Variants in PEMT observed in about 807,000 individuals in gnomAD.
PEMT encodes phosphatidylethanolamine N-methyltransferase.
In PEMT, 23 loss-of-function variants were observed where a neutral mutation model predicts 27.4. The ratio of observed to expected loss-of-function variants is 0.84; its 90% CI spans 0.60 to 1.19. The LOEUF is 1.19. PEMT is among the 50% of genes most tolerant of loss of function. The probability of loss-of-function intolerance (pLI) is 0.00; values close to 1 mark genes in which losing one functional copy is unlikely to be tolerated. For missense variants in PEMT, 307 were observed against 310.1 expected, an observed-to-expected ratio of 0.99 and a Z score of 0.07; for synonymous variants, 137 against 139.1, an observed-to-expected ratio of 0.98 and a Z score of 0.11.
intron 2 of PEMT, among the ~76,000 whole-genome samples, chr17:17,546,975 G>GT (rs1350371935): frequency 6.6e-6 from 1 of 152,246 alleles, no homozygotes; most frequent in African/African-American, 2.4e-5. Context: ...GCTGCCCATC[G>GT]TCAGAAGAGC....
At chr17:17,510,371 C>T (rs370141659) in intron 4 of PEMT, among the ~76,000 whole-genome samples, 14 of 152,310 alleles carry the variant, frequency 9.2e-5, no homozygotes, top group African/African-American at 3.4e-4. Flanking sequence ...CTTCGTTCCT[C>T]CCAGCCTTCT....
intron 1 of PEMT, among the ~76,000 whole-genome samples, chr17:17,585,848 T>C (rs1912213559): frequency 1.3e-5 from 2 of 151,980 alleles, no homozygotes; most frequent in Non-Finnish European, 2.9e-5. Context: ...TTTGAGAGGC[T>C]GAGGCGGGCG....
intron 2 of PEMT, among the ~76,000 whole-genome samples, chr17:17,533,188 T>C (rs1488498702): frequency 6.6e-6 from 1 of 152,220 alleles, no homozygotes; most frequent in Non-Finnish European, 1.5e-5. Flanking sequence ...TCCACATACA[T>C]GGCAAGTGAT....
intron 2 of PEMT, among the ~76,000 whole-genome samples, chr17:17,532,542 T>C (rs546652771): frequency 2.3e-4 from 35 of 152,262 alleles, no homozygotes; most frequent in South Asian, 1.7e-3. Flanking sequence ...TGGACAGACA[T>C]CCCATGTTCA....
At chr17:17,542,866 C>A (rs1271845598) in intron 2 of PEMT, among the ~76,000 whole-genome samples, 1 of 152,226 alleles carries the variant, frequency 6.6e-6, no homozygotes, top group Non-Finnish European at 1.5e-5. Context: ...GGGCCCAAGG[C>A]TGCAGGGAGT....
At chr17:17,531,208 G>A (rs2142566269) in intron 2 of PEMT, among the ~76,000 whole-genome samples, 1 of 152,256 alleles carries the variant, frequency 6.6e-6, no homozygotes, top group East Asian at 1.9e-4. Context: ...TGTTGAACCT[G>A]AGACTGAAAG....
Position 17,582,510 on chromosome 17 carries a change from G to A in PEMT, c.97-5483C>T. 2 of 761,446 alleles carry A rather than the reference G, an allele frequency of 2.6e-6. No homozygotes were observed. Among genetic ancestry groups the A allele is most frequent in the Non-Finnish European group, 3.2e-6 (2 of 625,558 alleles). The allele number at this position is 761,446 out of a possible 1,614,324, so 47.2% of individuals were successfully genotyped here. On this transcript the variant is annotated intron_variant, in intron 1 of 6. Transcript: ENST00000255389. This position sits in a 1 kb window ranked among gnomAD's most constrained non-coding sequence, Gnocchi z 4.9. ...AGGCCTGGACAGGCAAAGTCACATC[G>A]ATTCCAGGCCACACACCACACACAA... is the stretch of plus-strand genomic sequence containing the variant.
At chr17:17,518,717 G>T (rs570047438) in intron 3 of PEMT, among the ~76,000 whole-genome samples, 7 of 152,274 alleles carry the variant, frequency 4.6e-5, no homozygotes, top group African/African-American at 1.7e-4. Flanking sequence ...ACTCCTGCTG[G>T]GTGCAGAGGC....
chr17:17,509,370 G>A (rs1418276319), intron 5 of PEMT, 64 bp downstream of exon 5: 3 of 1,105,204 alleles, frequency 2.7e-6, no homozygotes, highest in African/African-American at 3.1e-5. Context: ...CGCGTCCTGA[G>A]CTGCACCAGC....
rs772433376 is a variant in PEMT, at chr17:17,512,471, G to A, written c.466+38C>T. The A allele has an allele frequency of 1.1e-5, 16 of 1,480,322 alleles. No homozygotes were observed. The highest frequency in any genetic ancestry group is 2.1e-5 in the Admixed American group (1 of 46,764). The allele number at this position is 1,480,322 out of a possible 1,614,324, so 91.7% of individuals were successfully genotyped here. On this transcript the variant is annotated intron_variant, in intron 4 of 6. Transcript: ENST00000255389. The surrounding 1 kb of genome is among the most constrained non-coding windows in gnomAD (Gnocchi z 6.3). The stretch of plus-strand genomic sequence containing the variant: ...CCCTGCACCTCCCTGGGGCTCCAGC[G>A]GTCCTGCTCAGGGTCACCCCAGCCC...
intron 2 of PEMT, among the ~76,000 whole-genome samples, chr17:17,534,408 G>T (rs886406010): frequency 2.0e-5 from 3 of 152,254 alleles, no homozygotes. Context: ...TCCAGTGACA[G>T]AAAGCAGATC....
chr17:17,538,823 G>C (rs1476734268), intron 2 of PEMT, among the ~76,000 whole-genome samples: 3 of 152,166 alleles, frequency 2.0e-5, no homozygotes, highest in Non-Finnish European at 4.4e-5. Context: ...TATTTACCTG[G>C]ACTTCAGCCT....
At chr17:17,554,530 G>C (rs950648949) in intron 2 of PEMT, among the ~76,000 whole-genome samples, 7 of 152,256 alleles carry the variant, frequency 4.6e-5, no homozygotes, top group South Asian at 2.1e-4. Context: ...AGCGGCACAG[G>C]CTGAGGCAAC....
chr17:17,528,654 C>T (rs540705768), intron 2 of PEMT, among the ~76,000 whole-genome samples: 2 of 152,352 alleles, frequency 1.3e-5, no homozygotes, highest in South Asian at 2.1e-4. Flanking sequence ...CTGCCCATGA[C>T]TCCTGTCTCT....
intron 2 of PEMT, among the ~76,000 whole-genome samples, chr17:17,574,263 A>C (rs1267736987): frequency 1.4e-5 from 2 of 145,944 alleles, no homozygotes; most frequent in Non-Finnish European, 3.0e-5. Context: ...AAAAAAAAAA[A>C]AACCGTATGC....
intron 1 of PEMT, among the ~76,000 whole-genome samples, chr17:17,590,843 G>A (rs1239443236): frequency 6.6e-6 from 1 of 152,196 alleles, no homozygotes; most frequent in Non-Finnish European, 1.5e-5. Context: ...GGAGCCTGGG[G>A]AGATGCCAGG....
At chr17:17,560,760 T>C (rs886366525) in intron 2 of PEMT, among the ~76,000 whole-genome samples, 2 of 152,036 alleles carry the variant, frequency 1.3e-5, no homozygotes, top group Non-Finnish European at 2.9e-5. Context: ...CCACACCAGC[T>C]GCATGTCTAC....
rs886396911 is a variant in PEMT at position 17,523,415 on chromosome 17, C to T, written c.205-1020G>A. On this transcript the variant is annotated intron_variant, in intron 2 of 6. Coordinates refer to ENST00000255389, the MANE Select transcript of PEMT (RefSeq NM_148172.3). This position sits in a 1 kb window ranked among gnomAD's most constrained non-coding sequence, Gnocchi z 4.8. The stretch of plus-strand genomic sequence containing the variant: ...GCGATGATTTCCTCAAGGCCACTGA[C>T]TCCCAGAAGGTGGCTCCCTAGTGAG... Among the ~76,000 whole-genome samples the T allele has an allele frequency of 2.6e-5, 4 of 152,350 alleles. No homozygotes were observed. Among genetic ancestry groups the T allele is most frequent in the Admixed American group, 2.0e-4 (3 of 15,308 alleles).
intron 3 of PEMT, among the ~76,000 whole-genome samples, chr17:17,521,020 C>T (rs1255483015): frequency 1.3e-5 from 2 of 152,262 alleles, no homozygotes; most frequent in African/African-American, 2.4e-5. Context: ...GGAGCATTCG[C>T]AGGCCCCTTC....
Sources: allele counts gnomAD v4.1 joint callset (sites outside exome capture counted in the v4.1 genomes callset), GRCh38; gene constraint gnomAD v4.1.1; non-coding constraint Gnocchi (gnomAD v3.1); transcripts MANE v1.5; gene names NCBI Gene and HGNC (gene_info 2026-07-23, HGNC 2026-07-21).